RAB38: variants seen among roughly 807,000 people sequenced by gnomAD.
RAB38 encodes ras-related protein Rab-38.
RAB38 carries 15 observed loss-of-function variants against 18.4 expected under a neutral mutation model. The ratio of observed to expected loss-of-function variants is 0.82; its 90% CI spans 0.55 to 1.26. The LOEUF (loss-of-function observed/expected upper bound fraction) is 1.26. Ranked by LOEUF, RAB38 falls within the 50% of genes most tolerant of loss-of-function variation. The pLI is 0.00. For missense variants in RAB38, 294 were observed against 267.4 expected (o/e 1.10, Z -0.69); for synonymous variants, 101 against 104.4 (o/e 0.97, Z 0.20).
At chr11:87,842,808 ACG>A in the RAB38 span, among the ~76,000 whole-genome samples, 28 of 75,348 alleles carry the variant, frequency 3.7e-4, no homozygotes, top group South Asian at 9.5e-4. Context: ...ACACACACAC[ACG>A]CGCGCGCACA....
chr11:88,078,543 T>C, the RAB38 span, among the ~76,000 whole-genome samples: 11 of 146,464 alleles, frequency 7.5e-5, no homozygotes, highest in Non-Finnish European at 1.7e-4. Context: ...TATTAGGCCA[T>C]AAAACAGAAG....
At chr11:88,085,281 G>A in the RAB38 span, among the ~76,000 whole-genome samples, 4 of 151,896 alleles carry the variant, frequency 2.6e-5, no homozygotes, top group Admixed American at 2.0e-4. Flanking sequence ...CCAACTGACA[G>A]CCATAAGGCA....
chr11:88,094,013 A>G, the RAB38 span, among the ~76,000 whole-genome samples: 7 of 151,936 alleles, frequency 4.6e-5, no homozygotes, highest in African/African-American at 1.7e-4. Context: ...CTAGTGGGTC[A>G]CAGAGGACAC....
At chr11:88,117,349 T>C (rs951407674) in intron 2 of RAB38, among the ~76,000 whole-genome samples, 5 of 152,198 alleles carry the variant, frequency 3.3e-5, no homozygotes, top group Non-Finnish European at 7.3e-5. Context: ...GGGTGCCAGA[T>C]CTCTGTAGAG....
At chr11:88,152,789 C>G (rs539685785) in intron 1 of RAB38, among the ~76,000 whole-genome samples, 1 of 152,294 alleles carries the variant, frequency 6.6e-6, no homozygotes, top group African/African-American at 2.4e-5. Flanking sequence ...AAAAACTTCC[C>G]TTGATTTTAG....
the RAB38 span, among the ~76,000 whole-genome samples, chr11:87,883,641 T>C: frequency 1.3e-5 from 2 of 152,048 alleles, no homozygotes; most frequent in East Asian, 2.0e-4. Flanking sequence ...AATAGTTGCC[T>C]GGATTTTCTA....
At chr11:87,838,207 T>C in the RAB38 span, among the ~76,000 whole-genome samples, 3 of 152,016 alleles carry the variant, frequency 2.0e-5, no homozygotes, top group South Asian at 2.1e-4. Flanking sequence ...CTCTGACTCC[T>C]GGGTTCATGC....
the RAB38 span, among the ~76,000 whole-genome samples, chr11:87,976,606 C>CATATTTTACATAATAT: frequency 2.8e-3 from 92 of 33,200 alleles, no homozygotes; most frequent in African/African-American, 5.3e-3. Flanking sequence ...TCTATAAATA[C>CATATTTTACATAATAT]ATATTTTACA....
the RAB38 span, among the ~76,000 whole-genome samples, chr11:88,065,791 T>C: frequency 6.6e-6 from 1 of 152,350 alleles, no homozygotes; most frequent in South Asian, 2.1e-4. Flanking sequence ...TCATAGTTTA[T>C]TGCACAAGAA....
At chr11:88,076,197 C>G in the RAB38 span, among the ~76,000 whole-genome samples, 1 of 151,716 alleles carries the variant, frequency 6.6e-6, no homozygotes, top group Non-Finnish European at 1.5e-5. Context: ...CAACTATATA[C>G]CAATAAATTA....
At chr11:87,814,468 A>T in the RAB38 span, among the ~76,000 whole-genome samples, 1 of 152,246 alleles carries the variant, frequency 6.6e-6, no homozygotes, top group African/African-American at 2.4e-5. Flanking sequence ...TTAAGCAATT[A>T]CAGTACAACT....
chr11:88,078,660 G>A, the RAB38 span, among the ~76,000 whole-genome samples: 1,195 of 151,960 alleles, frequency 7.9e-3, 11 homozygotes, highest in African/African-American at 0.028. Context: ...ACTCATATTT[G>A]GGAGCTTAAA....
At chr11:88,056,029 G>GT in the RAB38 span, among the ~76,000 whole-genome samples, 1 of 151,968 alleles carries the variant, frequency 6.6e-6, no homozygotes, top group African/African-American at 2.4e-5. Flanking sequence ...GTGTGTGTGT[G>GT]TGTGTGGTGG....
chr11:88,040,703 A>AAACAAC, the RAB38 span, among the ~76,000 whole-genome samples: 3,228 of 149,116 alleles, frequency 0.022, 121 homozygotes, highest in South Asian at 0.051. Context: ...ACCCTGTCTC[A>AAACAAC]AACAACAACA....
the RAB38 span, among the ~76,000 whole-genome samples, chr11:88,034,356 T>C: frequency 9.2e-5 from 14 of 152,390 alleles, no homozygotes; most frequent in East Asian, 2.3e-3. Flanking sequence ...TTTTATTCTA[T>C]GGCATAAATG....
chr11:88,069,791 C>T, the RAB38 span, among the ~76,000 whole-genome samples: 1 of 151,504 alleles, frequency 6.6e-6, no homozygotes, highest in African/African-American at 2.4e-5. Context: ...GTGTCTAGCT[C>T]AAGGTTTGTA....
chr11:87,847,065 AAAAG>A, the RAB38 span, among the ~76,000 whole-genome samples: 1 of 152,062 alleles, frequency 6.6e-6, no homozygotes, highest in African/African-American at 2.4e-5. Context: ...ATATCAGGAA[AAAAG>A]AAAGATCTAA....
the RAB38 span, among the ~76,000 whole-genome samples, chr11:87,915,080 G>A: frequency 2.0e-5 from 3 of 152,172 alleles, no homozygotes; most frequent in African/African-American, 7.2e-5. Context: ...ATCCATAGGT[G>A]TAGGCCACTA....
At chr11:88,099,667 T>C in the RAB38 span, among the ~76,000 whole-genome samples, 2 of 151,798 alleles carry the variant, frequency 1.3e-5, no homozygotes, top group East Asian at 3.9e-4. Context: ...TAGGAGAATA[T>C]GTTAAGATGT....
Sources: allele counts gnomAD v4.1 joint callset (sites outside exome capture counted in the v4.1 genomes callset), GRCh38; gene constraint gnomAD v4.1.1; transcripts MANE v1.5; gene names NCBI Gene and HGNC (gene_info 2026-07-23, HGNC 2026-07-21).